PTPRR: variants seen among roughly 807,000 people sequenced by gnomAD.
PTPRR encodes protein tyrosine phosphatase receptor type R.
PTPRR carries 38 observed loss-of-function variants against 77.2 expected under a neutral mutation model. The observed-to-expected ratio is 0.49, with a 90% CI of 0.38 to 0.65. The LOEUF is 0.65. Ranked by LOEUF, PTPRR falls within the 30% of genes least tolerant of loss-of-function variation. The probability of loss-of-function intolerance (pLI) is 0.00; values close to 1 mark genes in which losing one functional copy is unlikely to be tolerated. For missense variants in PTPRR, 744 were observed against 799.2 expected (o/e 0.93, Z 0.83); for synonymous variants, 299 against 283.1 (o/e 1.06, Z -0.57).
At chr12:70,823,074 C>G (rs1425162622) in intron 2 of PTPRR, among the ~76,000 whole-genome samples, 1 of 151,020 alleles carries the variant, frequency 6.6e-6, no homozygotes, top group East Asian at 2.0e-4. Context: ...TTCTCTCTCT[C>G]TCTTTTCTCT....
At chr12:70,787,169 T>C (rs1356658236) in intron 2 of PTPRR, among the ~76,000 whole-genome samples, 2 of 152,186 alleles carry the variant, frequency 1.3e-5, no homozygotes, top group Non-Finnish European at 2.9e-5. Flanking sequence ...ATTACCACAA[T>C]AAGAGTCTTC....
At chr12:70,702,204 T>G (rs1047515372) in intron 6 of PTPRR, among the ~76,000 whole-genome samples, 6 of 152,072 alleles carry the variant, frequency 3.9e-5, no homozygotes, top group African/African-American at 9.7e-5. Context: ...TCTTACAACT[T>G]ACACAGACCC....
intron 1 of PTPRR, among the ~76,000 whole-genome samples, chr12:70,919,254 T>A (rs1360976981): frequency 6.6e-6 from 1 of 152,196 alleles, no homozygotes; most frequent in African/African-American, 2.4e-5. Flanking sequence ...TCAGCAAATG[T>A]TGCTTGAAGG....
At chr12:70,916,415 T>C (rs752138611) in intron 1 of PTPRR, among the ~76,000 whole-genome samples, 3 of 152,184 alleles carry the variant, frequency 2.0e-5, no homozygotes, top group Admixed American at 1.3e-4. Flanking sequence ...AAGGTCTATA[T>C]TGAGTGATTT....
chr12:70,822,633 A>G (rs537091757), intron 2 of PTPRR, among the ~76,000 whole-genome samples: 1 of 152,270 alleles, frequency 6.6e-6, no homozygotes, highest in African/African-American at 2.4e-5. Context: ...ATTTATATAA[A>G]TAACTCCTCC....
At chr12:70,837,937 G>A (rs1565714126) in intron 2 of PTPRR, among the ~76,000 whole-genome samples, 1 of 152,082 alleles carries the variant, frequency 6.6e-6, no homozygotes, top group African/African-American at 2.4e-5. Flanking sequence ...TTGTCACTCT[G>A]AAGATTCTAA....
chr12:70,727,573 T>C (rs922472225), intron 6 of PTPRR, among the ~76,000 whole-genome samples: 2 of 152,146 alleles, frequency 1.3e-5, no homozygotes, highest in African/African-American at 4.8e-5. Context: ...TGTCTGAGAG[T>C]ATTTTCTAGA....
chr12:70,668,347 G>A (rs1432265902), intron 10 of PTPRR, among the ~76,000 whole-genome samples: 1 of 152,108 alleles, frequency 6.6e-6, no homozygotes, highest in Non-Finnish European at 1.5e-5. Flanking sequence ...TTGCCTTCCT[G>A]TGCCTCAGTG....
chr12:70,857,046 A>G (rs1892664442), intron 2 of PTPRR, among the ~76,000 whole-genome samples: 1 of 152,168 alleles, frequency 6.6e-6, no homozygotes, highest in Non-Finnish European at 1.5e-5. Context: ...GAAATGGTCA[A>G]ATGACCAAAT....
At chr12:70,705,203 T>C (rs1226102661) in intron 6 of PTPRR, among the ~76,000 whole-genome samples, 2 of 152,092 alleles carry the variant, frequency 1.3e-5, no homozygotes, top group Admixed American at 6.6e-5. Context: ...GGGTCAAAAT[T>C]GTTCAATTCT....
chr12:70,906,466 T>A (rs777525705), intron 1 of PTPRR, among the ~76,000 whole-genome samples: 19 of 152,116 alleles, frequency 1.2e-4, no homozygotes, highest in Non-Finnish European at 2.1e-4. Flanking sequence ...TTAGTTGTTC[T>A]ATCATTCTAT....
At chr12:70,768,723 C>T (rs1388153683) in intron 2 of PTPRR, among the ~76,000 whole-genome samples, 2 of 152,118 alleles carry the variant, frequency 1.3e-5, no homozygotes, top group Non-Finnish European at 2.9e-5. Context: ...GAATTTTAGA[C>T]CAATATCCTT....
chr12:70,727,646 A>G (rs1008168054), intron 6 of PTPRR, among the ~76,000 whole-genome samples: 1 of 152,176 alleles, frequency 6.6e-6, no homozygotes, highest in African/African-American at 2.4e-5. Context: ...TGTCTTGGAT[A>G]CATTGAGGGG....
intron 6 of PTPRR, among the ~76,000 whole-genome samples, chr12:70,714,787 C>T (rs991756441): frequency 9.9e-5 from 15 of 152,204 alleles, no homozygotes; most frequent in Admixed American, 9.2e-4. Context: ...GAGTTTGAGA[C>T]CAGCCAAGGG....
rs558028808 is a variant in PTPRR at position 70,814,029 on chromosome 12, A to G, written c.358-49251T>C. ...ATCAAAGCCTTATCATATACAGGGT[A>G]CTGACAAGAGTATTCAGAATGACTT... On this transcript the variant is annotated intron_variant, in intron 2 of 13. Coordinates refer to ENST00000283228, the MANE Select transcript of PTPRR (RefSeq NM_002849.4). 7.4e-4 allele frequency among the ~76,000 whole-genome samples: 113 copies of G among 152,310 alleles called. 1 individual carries two copies. The highest frequency in any genetic ancestry group is 2.7e-3 in the African/African-American group (112 of 41,566).
At chr12:70,823,539 G>T (rs565063701) in intron 2 of PTPRR, among the ~76,000 whole-genome samples, 16 of 152,088 alleles carry the variant, frequency 1.1e-4, no homozygotes, top group South Asian at 4.2e-4. Flanking sequence ...TGTTTTTTTT[G>T]TTTTGTTTTG....
intron 6 of PTPRR, among the ~76,000 whole-genome samples, chr12:70,725,839 G>C (rs1889413838): frequency 1.3e-5 from 2 of 152,162 alleles, no homozygotes; most frequent in Middle Eastern, 3.4e-3. Flanking sequence ...GAGACATACA[G>C]GCCAATATTT....
intron 2 of PTPRR, among the ~76,000 whole-genome samples, chr12:70,783,004 T>C (rs1447327062): frequency 1.3e-5 from 2 of 152,134 alleles, no homozygotes; most frequent in African/African-American, 4.8e-5. Context: ...GAATGGTAAC[T>C]GCATCCCTTT....
chr12:70,684,998 G>C (rs1237312845), intron 8 of PTPRR: 1 of 371,112 alleles, frequency 2.7e-6, no homozygotes, highest in African/African-American at 2.1e-5. Flanking sequence ...ATAAGCCTAA[G>C]CTGATGAGTT....
Sources: gnomAD v4.1 joint callset for allele counts (sites outside exome capture counted in the v4.1 genomes callset) on GRCh38, gnomAD v4.1.1 for gene constraint, MANE v1.5 for transcripts, NCBI Gene and HGNC (gene_info 2026-07-23, HGNC 2026-07-21) for gene names.